CHL1: variants seen among roughly 807,000 people sequenced by gnomAD.
CHL1 encodes the protein neural cell adhesion molecule L1-like protein.
CHL1 carries 96 observed loss-of-function variants against 141.9 expected under a neutral mutation model. That is an observed-to-expected ratio of 0.68 (90% confidence interval 0.57 to 0.80). The LOEUF (loss-of-function observed/expected upper bound fraction) is 0.80. Ranked by LOEUF, CHL1 falls within the 30% of genes least tolerant of loss-of-function variation. The pLI is 0.00. For missense variants in CHL1, 1,820 were observed against 1,457.2 expected, an observed-to-expected ratio of 1.25 and a Z score of -4.05; for synonymous variants, 613 against 502.2, an observed-to-expected ratio of 1.22 and a Z score of -2.95.
intron 1 of CHL1, among the ~76,000 whole-genome samples, chr3:215,491 A>C (rs907348514): frequency 6.6e-6 from 1 of 152,234 alleles, no homozygotes; most frequent in Non-Finnish European, 1.5e-5. Flanking sequence ...TCTATAGCAT[A>C]GTTGGGTGAC....
intron 27 of CHL1, 44 bp downstream of exon 27, chr3:401,742 T>C: frequency 8.8e-7 from 1 of 1,141,096 alleles, no homozygotes; most frequent in East Asian, 2.5e-5. Flanking sequence ...ATATTCATCA[T>C]GTTGAAAGCT....
chr3:298,146 C>T (rs545077711), intron 2 of CHL1, among the ~76,000 whole-genome samples: 4 of 152,236 alleles, frequency 2.6e-5, no homozygotes, highest in African/African-American at 7.2e-5. Context: ...GTGGGTATAT[C>T]CAACGAGATC....
chr3:231,724 C>A (rs889656125), intron 1 of CHL1, among the ~76,000 whole-genome samples: 3 of 151,712 alleles, frequency 2.0e-5, no homozygotes, highest in African/African-American at 7.3e-5. Flanking sequence ...TTACAGGTGC[C>A]TGCCACCATG....
At chr3:252,651 C>G (rs1222690333) in intron 2 of CHL1, among the ~76,000 whole-genome samples, 1 of 151,524 alleles carries the variant, frequency 6.6e-6, no homozygotes, top group Non-Finnish European at 1.5e-5. Flanking sequence ...TTTTGCATTG[C>G]CTTACTGATT....
chr3:209,595 A>G (rs1699727039), intron 1 of CHL1, among the ~76,000 whole-genome samples: 1 of 152,184 alleles, frequency 6.6e-6, no homozygotes, highest in East Asian at 1.9e-4. Flanking sequence ...TTCAAGTTTT[A>G]GGGTACATGT....
intron 1 of CHL1, among the ~76,000 whole-genome samples, chr3:224,607 A>C (rs968004019): frequency 6.6e-6 from 1 of 150,806 alleles, no homozygotes; most frequent in African/African-American, 2.4e-5. Context: ...ACGAGTAAAA[A>C]CTCCCTAATG....
chr3:244,436 C>A (rs141969986), intron 1 of CHL1, among the ~76,000 whole-genome samples, 177 bp from the exon 2 acceptor site: 1 of 152,194 alleles, frequency 6.6e-6, no homozygotes, highest in South Asian at 2.1e-4. Context: ...ATTCGCAGGA[C>A]CCCTTTTTTA....
chr3:231,808 C>A (rs1701893593), intron 1 of CHL1, among the ~76,000 whole-genome samples: 1 of 151,992 alleles, frequency 6.6e-6, no homozygotes, highest in South Asian at 2.1e-4. Flanking sequence ...AACTCCTGAC[C>A]TCTGGTGATC....
At chr3:227,263 G>A (rs1423816030) in intron 1 of CHL1, among the ~76,000 whole-genome samples, 1 of 152,122 alleles carries the variant, frequency 6.6e-6, no homozygotes, top group African/African-American at 2.4e-5. Context: ...ATATAAAAAA[G>A]AAACACAAGG....
chr3:314,356 T>C (rs1200010454), intron 2 of CHL1, among the ~76,000 whole-genome samples: 2 of 130,390 alleles, frequency 1.5e-5, no homozygotes, highest in East Asian at 2.1e-4. Flanking sequence ...TATATATATA[T>C]ATATATATAT....
intron 15 of CHL1, chr3:376,317 C>A: frequency 2.1e-6 from 1 of 480,308 alleles, no homozygotes; most frequent in Admixed American, 2.2e-5. Context: ...TGACATGTGA[C>A]AGAATTATCC....
chr3:354,381 C>T (rs907129261), intron 10 of CHL1, among the ~76,000 whole-genome samples: 1 of 151,494 alleles, frequency 6.6e-6, no homozygotes, highest in African/African-American at 2.4e-5. Flanking sequence ...TTGTATATAA[C>T]TATTTTCAGT....
intron 1 of CHL1, among the ~76,000 whole-genome samples, chr3:237,614 G>A (rs999261754): frequency 2.6e-5 from 4 of 152,132 alleles, no homozygotes; most frequent in Admixed American, 6.5e-5. Flanking sequence ...CATTAGGTTC[G>A]TATCTTGGTG....
chr3:395,462 C>A (rs1708593232), intron 24 of CHL1, among the ~76,000 whole-genome samples: 1 of 152,144 alleles, frequency 6.6e-6, no homozygotes, highest in Non-Finnish European at 1.5e-5. Context: ...TTTCCTTTCC[C>A]AAATTGCATC....
chr3:241,882 C>G (rs959855346), intron 1 of CHL1, among the ~76,000 whole-genome samples: 1 of 148,858 alleles, frequency 6.7e-6, no homozygotes, highest in African/African-American at 2.5e-5. Flanking sequence ...ATAAGTAAGA[C>G]GTTAGTATCT....
intron 2 of CHL1, among the ~76,000 whole-genome samples, chr3:314,910 C>T (rs1270571181): frequency 6.6e-6 from 1 of 152,088 alleles, no homozygotes; most frequent in East Asian, 1.9e-4. Context: ...GGAAGAGAAT[C>T]AGAGAAGATT....
intron 23 of CHL1, among the ~76,000 whole-genome samples, chr3:394,366 T>C (rs1708490971): frequency 6.6e-6 from 1 of 152,130 alleles, no homozygotes; most frequent in South Asian, 2.1e-4. Flanking sequence ...ATGCGTATTA[T>C]GAAGCTGGAG....
At chr3:389,135 C>A (rs371042298) in intron 19 of CHL1, 117 bp from the exon 20 acceptor site, 95 of 805,160 alleles carry the variant, frequency 1.2e-4, no homozygotes, top group Admixed American at 9.8e-4. Flanking sequence ...GATTTAAGAT[C>A]TCTCAACAAA....
intron 1 of CHL1, among the ~76,000 whole-genome samples, chr3:205,373 C>G (rs1468051911): frequency 2.0e-5 from 3 of 152,146 alleles, no homozygotes; most frequent in Non-Finnish European, 4.4e-5. Context: ...CTGCCCCTCT[C>G]AAAGTACTGG....
Sources: allele counts gnomAD v4.1 joint callset (sites outside exome capture counted in the v4.1 genomes callset), GRCh38; gene constraint gnomAD v4.1.1; transcripts MANE v1.5; gene names NCBI Gene and HGNC (gene_info 2026-07-23, HGNC 2026-07-21).